Variants in ABCC1 observed in about 807,000 individuals in gnomAD.
ABCC1 encodes the protein multidrug resistance-associated protein 1.
ABCC1 carries 83 observed loss-of-function variants against 172.9 expected under a neutral mutation model. That is an observed-to-expected ratio of 0.48 (90% CI 0.40 to 0.58). ABCC1 has a LOEUF of 0.58. Ranked by LOEUF, ABCC1 falls within the 20% of genes least tolerant of loss-of-function variation. The pLI is 0.00. For missense variants in ABCC1, 1,817 were observed against 2,002.7 expected, an observed-to-expected ratio of 0.91 and a Z score of 1.77; for synonymous variants, 937 against 825.2, an observed-to-expected ratio of 1.14 and a Z score of -2.32.
intron 5 of ABCC1, among the ~76,000 whole-genome samples, chr16:16,023,561 TAATAA>T (rs1226141829): frequency 2.0e-5 from 3 of 152,158 alleles, no homozygotes; most frequent in African/African-American, 7.2e-5. Flanking sequence ...TTCAGTCATT[TAATAA>T]TCAGGTGTTG....
intron 23 of ABCC1, among the ~76,000 whole-genome samples, chr16:16,120,808 G>A (rs555562029): frequency 1.3e-5 from 2 of 152,078 alleles, no homozygotes; most frequent in Admixed American, 6.6e-5. Context: ...GCCATCGGAG[G>A]GGGGTGACGA....
chr16:16,106,505 C>T, intron 20 of ABCC1: 1 of 447,506 alleles, frequency 2.2e-6, no homozygotes, highest in African/African-American at 1.9e-5. Context: ...TTGCGTTTCC[C>T]ATGGGTCTCA....
At chr16:16,141,121 C>A in intron 30 of ABCC1, 52 bp from the exon 31 acceptor site, 2 of 1,524,174 alleles carry the variant, frequency 1.3e-6, no homozygotes, top group Admixed American at 3.4e-5. Flanking sequence ...CCCAGGGGCA[C>A]GAGGTGCTCA....
intron 27 of ABCC1, among the ~76,000 whole-genome samples, chr16:16,133,210 C>G (rs1398079910): frequency 6.6e-6 from 1 of 152,106 alleles, no homozygotes; most frequent in East Asian, 1.9e-4. Context: ...GACAGTCTTC[C>G]TGGCCATTTG....
chr16:16,045,744 T>C, intron 8 of ABCC1, 92 bp from the exon 9 acceptor site: 1 of 1,272,734 alleles, frequency 7.9e-7, no homozygotes, highest in Non-Finnish European at 1.1e-6. Context: ...CTCATCTGGC[T>C]CAGGAGAAAG....
At chr16:16,126,084 A>G (rs2045420439) in intron 26 of ABCC1, among the ~76,000 whole-genome samples, 173 bp downstream of exon 26, 1 of 152,178 alleles carries the variant, frequency 6.6e-6, no homozygotes, top group African/African-American at 2.4e-5. Flanking sequence ...GCCCGGTTTT[A>G]GGGTGAAAAT....
chr16:16,100,950 G>A (rs920660917), intron 19 of ABCC1, among the ~76,000 whole-genome samples: 5 of 152,138 alleles, frequency 3.3e-5, no homozygotes, highest in African/African-American at 7.2e-5. Context: ...GGCTGGACAC[G>A]AGGGCACCTG....
intron 5 of ABCC1, among the ~76,000 whole-genome samples, chr16:16,031,073 T>C (rs2048543100): frequency 6.6e-6 from 1 of 152,126 alleles, no homozygotes; most frequent in Non-Finnish European, 1.5e-5. Flanking sequence ...GGTCTCGAAC[T>C]CCTGACCACA....
chr16:16,059,170 C>T (rs773361465), intron 12 of ABCC1, among the ~76,000 whole-genome samples: 10 of 152,142 alleles, frequency 6.6e-5, no homozygotes, highest in Non-Finnish European at 1.3e-4. Flanking sequence ...TGCTTGTTAA[C>T]GGTGCAGAAT....
chr16:15,972,584 A>G (rs1308532087), intron 1 of ABCC1, among the ~76,000 whole-genome samples: 1 of 152,082 alleles, frequency 6.6e-6, no homozygotes, highest in African/African-American at 2.4e-5. Flanking sequence ...GGAAAGTCCA[A>G]GCCTTCTTCA....
At chr16:15,977,469 C>G (rs1283163281) in intron 1 of ABCC1, among the ~76,000 whole-genome samples, 1 of 151,752 alleles carries the variant, frequency 6.6e-6, no homozygotes, top group African/African-American at 2.4e-5. Context: ...CTCCTGGACC[C>G]AAGTGATCCT....
chr16:15,968,685 A>T (rs948911509), intron 1 of ABCC1, among the ~76,000 whole-genome samples: 1 of 152,036 alleles, frequency 6.6e-6, no homozygotes, highest in Non-Finnish European at 1.5e-5. Context: ...CCATAAATAC[A>T]TGGTATTTTT....
At chr16:16,132,957 T>C (rs1223139256) in intron 27 of ABCC1, among the ~76,000 whole-genome samples, 4 of 152,168 alleles carry the variant, frequency 2.6e-5, no homozygotes, top group Non-Finnish European at 1.5e-5. Context: ...CTCTTTCTAG[T>C]CAACCTGTGA....
At chr16:16,104,716 G>A (rs1567409161) in intron 20 of ABCC1, among the ~76,000 whole-genome samples, 1 of 152,290 alleles carries the variant, frequency 6.6e-6, no homozygotes, top group East Asian at 1.9e-4. Flanking sequence ...CCATGGAGCA[G>A]GGGCGGCACT....
At chr16:16,058,380 G>A (rs2049762012) in intron 12 of ABCC1, among the ~76,000 whole-genome samples, 1 of 152,144 alleles carries the variant, frequency 6.6e-6, no homozygotes, top group African/African-American at 2.4e-5. Flanking sequence ...CAAATTATAT[G>A]TTTTTCTGGC....
At chr16:16,099,623 T>G (rs2051636401) in intron 19 of ABCC1, among the ~76,000 whole-genome samples, 1 of 152,212 alleles carries the variant, frequency 6.6e-6, no homozygotes, top group African/African-American at 2.4e-5. Flanking sequence ...CAGGTGAACT[T>G]GAACTGTCTT....
At chr16:16,065,000 G>A (rs1420413568) in intron 12 of ABCC1, among the ~76,000 whole-genome samples, 1 of 152,210 alleles carries the variant, frequency 6.6e-6, no homozygotes, top group African/African-American at 2.4e-5. Context: ...CTGAGAAGGT[G>A]ACACTTGAGG....
intron 1 of ABCC1, among the ~76,000 whole-genome samples, chr16:15,966,648 TCTC>T (rs2046249659): frequency 9.6e-6 from 1 of 103,782 alleles, no homozygotes; most frequent in African/African-American, 3.0e-5. Context: ...CTTTTCTCTC[TCTC>T]TTTTTTTTTT....
chr16:16,088,734 G>A (rs1453692749), intron 18 of ABCC1, among the ~76,000 whole-genome samples: 1 of 151,774 alleles, frequency 6.6e-6, no homozygotes, highest in Non-Finnish European at 1.5e-5. Context: ...CTGCAGACAG[G>A]GTTTTCCTCT....
Sources: allele counts gnomAD v4.1 joint callset (sites outside exome capture counted in the v4.1 genomes callset), GRCh38; gene constraint gnomAD v4.1.1; transcripts MANE v1.5; gene names NCBI Gene and HGNC (gene_info 2026-07-23, HGNC 2026-07-21).